The following CARD14 variants were observed in gnomAD, a reference collection of about 807,000 sequenced individuals.
CARD14 encodes caspase recruitment domain family member 14.
CARD14 carries 107 observed loss-of-function variants against 111.5 expected under a neutral mutation model. That is an observed-to-expected ratio of 0.96 (90% CI 0.82 to 1.13). The LOEUF is 1.13. Among genes scored for constraint, CARD14 ranks in the 50% most tolerant of loss-of-function variants. The probability of loss-of-function intolerance (pLI) is 0.00; values close to 1 mark genes in which losing one functional copy is unlikely to be tolerated. For missense variants in CARD14, 1,322 were observed against 1,362.3 expected, an observed-to-expected ratio of 0.97 and a Z score of 0.47; for synonymous variants, 617 against 579.6, an observed-to-expected ratio of 1.06 and a Z score of -0.93.
At position 80,208,370 on chromosome 17, in the gene CARD14, G is replaced by GT; in HGVS notation, c.*26dup. On this transcript the variant is annotated 3_prime_UTR_variant, in exon 24 of 24. Coordinates refer to ENST00000648509, the MANE Select transcript of CARD14 (RefSeq NM_001366385.1). ...ATGCACCGTGCCCCTTCCCGGGACT[G>GT]TGGGGGCTTCTGTGTGCCTGTTAAT... is the stretch of plus-strand genomic sequence containing the variant. 1.3e-6 allele frequency: 2 copies of GT among 1,548,938 alleles called. No individual in the cohort carries two copies. The highest frequency in any genetic ancestry group is 1.8e-6 in the Non-Finnish European group (2 of 1,141,144).
intron 21 of CARD14, 151 bp from the exon 22 acceptor site, chr17:80,205,380 G>A (rs2041241794): frequency 8.4e-7 from 1 of 1,184,614 alleles, no homozygotes; most frequent in Admixed American, 2.2e-5. Flanking sequence ...CACAGAGCGG[G>A]GTGTGCAGGG....
chr17:80,188,547 A>G lies in CARD14; in HGVS notation c.843+3A>G. 1 of 1,501,198 alleles carries G rather than the reference A, an allele frequency of 6.7e-7. No homozygotes were observed. The allele number at this position is 1,501,198 out of a possible 1,614,324, so 93.0% of individuals were successfully genotyped here. On this transcript the variant is annotated splice_donor_region_variant and intron_variant, in intron 8 of 23. Coordinates refer to ENST00000648509, the MANE Select transcript of CARD14 (RefSeq NM_001366385.1). This position sits in a 1 kb window ranked among gnomAD's most constrained non-coding sequence, Gnocchi z 4.5. Reference sequence around the variant, plus strand: ...TGCGCTCGCTGACTTTCAGCCTGGTAGGTTCCGGTCCCCGCAGCAGAGAGC... The same window carrying G: ...TGCGCTCGCTGACTTTCAGCCTGGTGGGTTCCGGTCCCCGCAGCAGAGAGC...
intron 14 of CARD14, among the ~76,000 whole-genome samples, chr17:80,197,784 A>G (rs1034627185): frequency 6.6e-6 from 1 of 152,240 alleles, no homozygotes; most frequent in Non-Finnish European, 1.5e-5. Flanking sequence ...ATCACAAAAT[A>G]GCATGTGGTG....
Position 80,207,046 on chromosome 17 carries a change from T to C in CARD14, c.2768T>C (p.Ile923Thr), listed in dbSNP as rs1184518385. 2.5e-6 allele frequency: 4 copies of C among 1,613,984 alleles called. No individual in the cohort carries two copies. Among genetic ancestry groups the C allele is most frequent in the East Asian group, 4.5e-5 (2 of 44,864 alleles). The change falls in exon 23 of 24, where the codon ATC (isoleucine) becomes ACC (threonine). Residue 923 changes from isoleucine to threonine, a missense_variant. Physicochemically the swap from Ile to Thr is moderately conservative, Grantham distance 89. Transcript: ENST00000648509. The part of the protein sequence containing the change: ...LHRMDIFPIV[I>T]HVSVNEKMAK... ...AGGATGGACATCTTCCCCATCGTCA[T>C]CCACGTCTCTGTCAACGAGAAGATG...
In CARD14 at chr17:80,208,459, G is replaced by T; in HGVS notation, c.*114G>T. 1.0e-6 allele frequency: 1 copy of T among 992,670 alleles called. No individual in the cohort carries two copies. 61.5% of individuals were successfully genotyped at this position (992,670 alleles called of 1,614,324 possible). A position where few individuals can be genotyped will look rare whatever the true frequency, so the allele number is the denominator to read the frequency against. ...TGTGGGCTCCTTGGCACATGAGGCC[G>T]GCTCTCCCCACTGGCTGGGGTCTAA... On this transcript the variant is annotated 3_prime_UTR_variant, in exon 24 of 24. Coordinates refer to ENST00000648509, the MANE Select transcript of CARD14 (RefSeq NM_001366385.1).
Position 80,189,206 on chromosome 17 carries a change from C to T in CARD14, c.844-547C>T, listed in dbSNP as rs927749025. On this transcript the variant is annotated intron_variant, in intron 8 of 23. Transcript: ENST00000648509. This position sits in a 1 kb window ranked among gnomAD's most constrained non-coding sequence, Gnocchi z 4.7. Reference sequence around the variant, plus strand: ...GAAACCTTTCTGCCTGGAAAGACTCCGCCCTCTGGGCCTCAGGTGCACTGG... The same window carrying T: ...GAAACCTTTCTGCCTGGAAAGACTCTGCCCTCTGGGCCTCAGGTGCACTGG... Among the ~76,000 whole-genome samples the T allele has an allele frequency of 2.6e-5, 4 of 152,178 alleles. No homozygotes were observed. The highest frequency in any genetic ancestry group is 2.1e-4 in the South Asian group (1 of 4,828).
chr17:80,205,417 GAA>G, intron 21 of CARD14, 112 bp from the exon 22 acceptor site: 9 of 1,419,568 alleles, frequency 6.3e-6, no homozygotes, highest in Non-Finnish European at 8.6e-6. Flanking sequence ...GACATCCTAA[GAA>G]GAGCTTCTCC....
rs200191988 is a variant in CARD14, at chr17:80,198,383, G to A, written c.1659-16G>A. 4.3e-5 allele frequency: 69 copies of A among 1,588,232 alleles called. No individual in the cohort carries two copies. Among genetic ancestry groups the A allele is most frequent in the Admixed American group, 6.8e-5 (4 of 58,936 alleles). On this transcript the variant is annotated splice_polypyrimidine_tract_variant and intron_variant, in intron 15 of 23. Transcript: ENST00000648509. The surrounding 1 kb of genome is among the most constrained non-coding windows in gnomAD (Gnocchi z 7.5). ...GCTCTGGGCAGTGCACAAGCCGGTC[G>A]TCTCCCGGCCTGCAGCGGCGTCCTC...
intron 20 of CARD14, 77 bp from the exon 21 acceptor site, chr17:80,204,958 C>T: frequency 7.7e-7 from 1 of 1,301,684 alleles, no homozygotes; most frequent in Non-Finnish European, 1.0e-6. Context: ...AAAGCAGACC[C>T]AGTCCCTCCC....
In CARD14 at chr17:80,198,865, G is replaced by A. The variant is rs1373014939; in HGVS notation, c.1851+274G>A. The A allele has an allele frequency of 1.4e-6, 2 of 1,449,240 alleles. No homozygotes were observed. Among genetic ancestry groups the A allele is most frequent in the Non-Finnish European group, 1.8e-6 (2 of 1,105,442 alleles). The allele number at this position is 1,449,240 out of a possible 1,614,324, so 89.8% of individuals were successfully genotyped here. On this transcript the variant is annotated intron_variant, in intron 16 of 23. Transcript: ENST00000648509. The surrounding 1 kb of genome is among the most constrained non-coding windows in gnomAD (Gnocchi z 7.5). ...AGGCCCCTTGACAGGGCTGCTCTGGGTGGTCACTTTGGGTGTGTACAGTAA... is the reference window on the plus strand; with the variant it reads ...AGGCCCCTTGACAGGGCTGCTCTGGATGGTCACTTTGGGTGTGTACAGTAA...
At chr17:80,187,914 G>A (rs905201155) in intron 7 of CARD14, 8 of 985,596 alleles carry the variant, frequency 8.1e-6, no homozygotes, top group Middle Eastern at 1.0e-3. Context: ...CCCCGGTCCC[G>A]CGTTCCCAGG....
rs2040993503 is a variant in CARD14, at chr17:80,201,853, T to G, written c.1961T>G (p.Val654Gly). 1 of 1,613,780 alleles carries G rather than the reference T, an allele frequency of 6.2e-7. No homozygotes were observed. The highest frequency in any genetic ancestry group is 1.3e-5 in the African/African-American group (1 of 75,042). The change falls in exon 17 of 24, where the codon GTG (valine) becomes GGG (glycine). Residue 654 changes from valine (V) to glycine (G), a missense_variant. Transcript: ENST00000648509. This position sits in a 1 kb window ranked among gnomAD's most constrained non-coding sequence, Gnocchi z 5.0. The stretch of plus-strand genomic sequence containing the variant: ...GTGGACGGCTTCTGCTGCCTGTCTG[T>G]GAAGGTCAACACGGACGGTACACAT... ...RRVDGFCCLS[V>G]KVNTDGYKRL...
Position 80,208,419 on chromosome 17 carries a change from C to A in CARD14, c.*74C>A. 2 of 1,359,254 alleles carry A rather than the reference C, an allele frequency of 1.5e-6. No homozygotes were observed. The highest frequency in any genetic ancestry group is 9.9e-7 in the Non-Finnish European group (1 of 1,005,620). 84.2% of individuals were successfully genotyped at this position (1,359,254 alleles called of 1,614,324 possible). The stretch of plus-strand genomic sequence containing the variant: ...ATGCAGTCCTGTTCCTCAGCCCAGG[C>A]CCTCTTGGCACAGCTGTGGGCTCCT... On this transcript the variant is annotated 3_prime_UTR_variant, in exon 24 of 24. Transcript: ENST00000648509.
intron 2 of CARD14, among the ~76,000 whole-genome samples, chr17:80,175,473 C>G (rs537263333): frequency 6.6e-6 from 1 of 152,128 alleles, no homozygotes; most frequent in Non-Finnish European, 1.5e-5. Flanking sequence ...CGTGACAGAG[C>G]GACTGCGCCC....
chr17:80,204,331 C>G lies in CARD14; in HGVS notation c.2388C>G (p.Ser796Arg). 6.3e-7 allele frequency: 1 copy of G among 1,576,178 alleles called. No individual in the cohort carries two copies. Among genetic ancestry groups the G allele is most frequent in the Non-Finnish European group, 8.7e-7 (1 of 1,155,896 alleles). ...TTGACAGGGGCCAGTTGGACCCCAGCAGGATGGAGGGTGAGGCCTGGTGAG... is the reference window on the plus strand; with the variant it reads ...TTGACAGGGGCCAGTTGGACCCCAGGAGGATGGAGGGTGAGGCCTGGTGAG... ...LSFDRGQLDPSRMEGSSTCFW... is the reference protein window; with the variant it reads ...LSFDRGQLDPRRMEGSSTCFW... Residue 796 changes from serine to arginine, a missense_variant, in exon 20 of 24, where the codon AGC becomes AGG. Ser to Arg is a moderately radical substitution (Grantham distance 110). Transcript: ENST00000648509.
At chr17:80,176,682 A>T (rs1433774072) in intron 2 of CARD14, among the ~76,000 whole-genome samples, 2 of 152,124 alleles carry the variant, frequency 1.3e-5, no homozygotes, top group Non-Finnish European at 2.9e-5. Flanking sequence ...CCCTGGGCTG[A>T]CTTTATTGCT....
intron 6 of CARD14, 83 bp from the exon 7 acceptor site, chr17:80,183,830 A>C: frequency 8.7e-7 from 1 of 1,145,556 alleles, no homozygotes; most frequent in Non-Finnish European, 1.2e-6. Flanking sequence ...TCACCTGCCC[A>C]CCTGCTCACC....
rs774718679 is a variant in CARD14 at position 80,184,246 on chromosome 17, G to T, written c.675+8G>T. The stretch of plus-strand genomic sequence containing the variant: ...CGCAGCCTGCAGGAGGAGGTAGGGG[G>T]ACACCCTGCACCCCGGCGCGACCCT... On this transcript the variant is annotated splice_region_variant and intron_variant, in intron 7 of 23. Coordinates refer to ENST00000648509, the MANE Select transcript of CARD14 (RefSeq NM_001366385.1). The T allele has an allele frequency of 1.3e-6, 2 of 1,511,500 alleles. No homozygotes were observed. The highest frequency in any genetic ancestry group is 2.5e-5 in the East Asian group (1 of 40,550). 93.6% of individuals were successfully genotyped at this position (1,511,500 alleles called of 1,614,324 possible). A position where few individuals can be genotyped will look rare whatever the true frequency, so the allele number is the denominator to read the frequency against.
At chr17:80,206,296 T>TCTAAAAAAAAATTTCAA (rs1555618129) in intron 22 of CARD14, among the ~76,000 whole-genome samples, 2 of 151,260 alleles carry the variant, frequency 1.3e-5, no homozygotes, top group Non-Finnish European at 2.9e-5. Flanking sequence ...GAGACCCGTC[T>TCTAAAAAAAAATTTCAA]CTAAAAAAAA....
Sources: allele counts gnomAD v4.1 joint callset (sites outside exome capture counted in the v4.1 genomes callset), GRCh38; gene constraint gnomAD v4.1.1; non-coding constraint Gnocchi (gnomAD v3.1); transcripts MANE v1.5; gene names NCBI Gene and HGNC (gene_info 2026-07-23, HGNC 2026-07-21).